CPEB3: variants seen among roughly 807,000 people sequenced by gnomAD.
The protein encoded by CPEB3 is cytoplasmic polyadenylation element-binding protein 3.
In CPEB3, 20 loss-of-function variants were observed where a neutral mutation model predicts 67.2. That is an observed-to-expected ratio of 0.30 (90% confidence interval 0.21 to 0.43). The LOEUF (loss-of-function observed/expected upper bound fraction) is 0.43. Ranked by LOEUF, CPEB3 falls within the 20% of genes least tolerant of loss-of-function variation. The pLI is 1.00. For missense variants in CPEB3, 746 were observed against 968.6 expected, an observed-to-expected ratio of 0.77 and a Z score of 3.05; for synonymous variants, 376 against 393.1, an observed-to-expected ratio of 0.96 and a Z score of 0.51.
At chr10:92,216,297 A>G (rs1850386476) in intron 2 of CPEB3, 1 of 1,562,130 alleles carries the variant, frequency 6.4e-7, no homozygotes, top group Non-Finnish European at 8.7e-7. Flanking sequence ...TTGGCTGGGC[A>G]GCCTCCCTGG....
At chr10:92,096,937 C>T (rs986665659) in intron 7 of CPEB3, among the ~76,000 whole-genome samples, 2 of 152,114 alleles carry the variant, frequency 1.3e-5, no homozygotes, top group Admixed American at 6.6e-5. Context: ...CAGAGTGAGA[C>T]CCTGTCTCAA....
intron 9 of CPEB3, among the ~76,000 whole-genome samples, chr10:92,058,608 T>TAA (rs1564745194): frequency 1.7e-4 from 25 of 149,462 alleles, no homozygotes; most frequent in Admixed American, 1.3e-3. Context: ...TATATATATA[T>TAA]AAATTAATTA....
intron 7 of CPEB3, among the ~76,000 whole-genome samples, chr10:92,110,233 G>A (rs1041868649): frequency 5.3e-5 from 8 of 152,106 alleles, no homozygotes; most frequent in Non-Finnish European, 7.4e-5. Flanking sequence ...TCATACAAAG[G>A]CCGCTGCAGG....
chr10:92,283,869 G>T (rs1415712576), intron 1 of CPEB3, among the ~76,000 whole-genome samples: 2 of 149,426 alleles, frequency 1.3e-5, no homozygotes, highest in African/African-American at 4.9e-5. Context: ...TGGGATTACA[G>T]GTCCTCGCCA....
intron 1 of CPEB3, among the ~76,000 whole-genome samples, chr10:92,249,715 T>C (rs1254903579): frequency 1.3e-5 from 2 of 151,390 alleles, no homozygotes; most frequent in African/African-American, 2.4e-5. Context: ...GTTTATAGAA[T>C]AAGGGTATAA....
intron 4 of CPEB3, among the ~76,000 whole-genome samples, chr10:92,166,500 GA>G (rs1340145557): frequency 6.6e-6 from 1 of 152,156 alleles, no homozygotes; most frequent in African/African-American, 2.4e-5. Context: ...TAGCAGTCAT[GA>G]AAACAACATT....
At chr10:92,072,904 T>C (rs1409489711) in intron 9 of CPEB3, among the ~76,000 whole-genome samples, 4 of 152,156 alleles carry the variant, frequency 2.6e-5, no homozygotes, top group African/African-American at 9.7e-5. Flanking sequence ...ACATTGACAT[T>C]GTCAACACAG....
At chr10:92,124,070 T>C (rs959767592) in intron 6 of CPEB3, among the ~76,000 whole-genome samples, 1 of 152,208 alleles carries the variant, frequency 6.6e-6, no homozygotes, top group Non-Finnish European at 1.5e-5. Context: ...CCACCTTCCA[T>C]TTCAGTTCCT....
At chr10:92,214,477 G>C (rs1458359940) in intron 2 of CPEB3, among the ~76,000 whole-genome samples, 1 of 151,958 alleles carries the variant, frequency 6.6e-6, no homozygotes, top group Non-Finnish European at 1.5e-5. Context: ...AATGAACTAA[G>C]ATACCACTCA....
intron 5 of CPEB3, among the ~76,000 whole-genome samples, chr10:92,144,091 A>G (rs1846565745): frequency 1.3e-5 from 2 of 152,200 alleles, no homozygotes; most frequent in South Asian, 2.1e-4. Flanking sequence ...TATTTCATTC[A>G]TCCTTTCAAC....
At chr10:92,165,704 T>C (rs996451856) in intron 4 of CPEB3, among the ~76,000 whole-genome samples, 4 of 152,232 alleles carry the variant, frequency 2.6e-5, no homozygotes, top group African/African-American at 9.6e-5. Context: ...TTTGCTGTCA[T>C]TTCAACAATG....
At chr10:92,203,226 C>T (rs1849600510) in intron 2 of CPEB3, among the ~76,000 whole-genome samples, 1 of 151,360 alleles carries the variant, frequency 6.6e-6, no homozygotes, top group Non-Finnish European at 1.5e-5. Context: ...CAGGCGTGAG[C>T]CACCGCGCCC....
intron 6 of CPEB3, among the ~76,000 whole-genome samples, chr10:92,111,773 C>G (rs1432037648): frequency 6.6e-6 from 1 of 152,088 alleles, no homozygotes; most frequent in Admixed American, 6.5e-5. Context: ...TGCTGAAAAC[C>G]ACTGACATGC....
intron 6 of CPEB3, among the ~76,000 whole-genome samples, chr10:92,131,240 C>A (rs1477644383): frequency 6.6e-6 from 1 of 152,168 alleles, no homozygotes; most frequent in African/African-American, 2.4e-5. Flanking sequence ...ATCTCAACAC[C>A]TAACCTCAGC....
At chr10:92,085,425 T>C (rs1843330022) in intron 8 of CPEB3, among the ~76,000 whole-genome samples, 7 of 152,104 alleles carry the variant, frequency 4.6e-5, no homozygotes, top group Admixed American at 4.6e-4. Flanking sequence ...ATGAGTCTAA[T>C]CCACATGCTG....
intron 1 of CPEB3, among the ~76,000 whole-genome samples, chr10:92,273,537 T>TA (rs931309436): frequency 6.6e-6 from 1 of 152,158 alleles, no homozygotes; most frequent in Non-Finnish European, 1.5e-5. Context: ...ACCCATTCTC[T>TA]AAAAAAGGTG....
rs1015419352 is a variant in CPEB3 at position 92,192,703 on chromosome 10, G to A, written c.1006-67C>T. On this transcript the variant is annotated intron_variant, in intron 2 of 9. Transcript: ENST00000265997. ...TCATAAAATTAACACCATATCATTT[G>A]CTTCCTGCTGTGGATTGATGACATG... 4 of 1,244,762 alleles carry A rather than the reference G, an allele frequency of 3.2e-6. No individual in the cohort carries two copies. The East Asian group carries it at 7.7e-5, about 24-fold the overall frequency. 77.1% of individuals were successfully genotyped at this position (1,244,762 alleles called of 1,614,324 possible).
intron 6 of CPEB3, among the ~76,000 whole-genome samples, chr10:92,115,115 T>C (rs985289460): frequency 2.6e-5 from 4 of 152,056 alleles, no homozygotes; most frequent in African/African-American, 9.7e-5. Context: ...GAGGAGGAAG[T>C]AGAGCCCGGG....
At chr10:92,075,232 C>G (rs1842890731) in intron 9 of CPEB3, among the ~76,000 whole-genome samples, 1 of 152,208 alleles carries the variant, frequency 6.6e-6, no homozygotes, top group South Asian at 2.1e-4. Context: ...AGAGCCTGGG[C>G]TACTTTGTTC....
Sources: allele counts gnomAD v4.1 joint callset (sites outside exome capture counted in the v4.1 genomes callset), GRCh38; gene constraint gnomAD v4.1.1; transcripts MANE v1.5; gene names NCBI Gene and HGNC (gene_info 2026-07-23, HGNC 2026-07-21).